Variants in SEMA6D observed in about 807,000 individuals in gnomAD.
SEMA6D encodes the protein semaphorin-6D.
SEMA6D carries 35 observed loss-of-function variants against 106.6 expected under a neutral mutation model. The observed-to-expected ratio is 0.33, with a 90% CI of 0.25 to 0.44. The LOEUF is 0.44. Ranked by LOEUF, SEMA6D falls within the 20% of genes least tolerant of loss-of-function variation. SEMA6D has a pLI of 1.00. For synonymous variants in SEMA6D, 499 were observed against 487.7 expected (o/e 1.02, Z -0.31); for missense variants, 1,185 against 1,345.9 (o/e 0.88, Z 1.87).
chr15:47,452,820 C>T (rs2042232132), intron 2 of SEMA6D, among the ~76,000 whole-genome samples: 1 of 151,840 alleles, frequency 6.6e-6, no homozygotes, highest in African/African-American at 2.4e-5. Context: ...TTCTTAATAA[C>T]AGATATTTCA....
chr15:47,201,898 C>T (rs1273013379), intron 1 of SEMA6D, among the ~76,000 whole-genome samples: 2 of 152,124 alleles, frequency 1.3e-5, no homozygotes, highest in African/African-American at 4.8e-5. Context: ...TTCCTGATGT[C>T]AGTTCCCACA....
At chr15:47,713,954 CA>C (rs1456758092), upstream of SEMA6D, among the ~76,000 whole-genome samples, 2 of 152,166 alleles carry the variant, frequency 1.3e-5, no homozygotes, top group Non-Finnish European at 1.5e-5. Flanking sequence ...TCTATAAAAG[CA>C]TTGTTTAATA....
chr15:47,548,624 T>C (rs1396654665), intron 3 of SEMA6D, among the ~76,000 whole-genome samples: 1 of 152,132 alleles, frequency 6.6e-6, no homozygotes, highest in Non-Finnish European at 1.5e-5. Flanking sequence ...TAAAAAAAGG[T>C]TGCAGAATGA....
In SEMA6D at chr15:47,367,692, GCACACACACA is replaced by G. The variant is rs72057750; in HGVS notation, c.-238-44674_-238-44665del. On this transcript the variant is annotated intron_variant, in intron 1 of 19. Transcript: ENST00000558014. ...CGCACGCTCACACGCGCGCGCGCGC[GCACACACACA>G]CACACACACACACACACACACACAC... Among the ~76,000 whole-genome samples, 227 of 73,464 alleles carry G rather than the reference GCACACACACA, an allele frequency of 3.1e-3. 1 individual carries two copies. The highest frequency in any genetic ancestry group is 0.022 in the South Asian group (45 of 2,012). 48.2% of individuals were successfully genotyped at this position (73,464 alleles called of 152,430 possible).
intron 1 of SEMA6D, among the ~76,000 whole-genome samples, chr15:47,276,896 A>C (rs577871476): frequency 6.6e-6 from 1 of 152,198 alleles, no homozygotes; most frequent in Non-Finnish European, 1.5e-5. Context: ...TATAAATGGC[A>C]TAAAGAGCAT....
chr15:47,645,471 T>C (rs1246329359), intron 4 of SEMA6D, among the ~76,000 whole-genome samples: 2 of 152,136 alleles, frequency 1.3e-5, no homozygotes, highest in African/African-American at 4.8e-5. Flanking sequence ...TTCTTTTAGA[T>C]AGGAAAAAAT....
intron 4 of SEMA6D, among the ~76,000 whole-genome samples, chr15:47,667,485 C>G (rs1169241782): frequency 6.6e-6 from 1 of 152,196 alleles, no homozygotes; most frequent in African/African-American, 2.4e-5. Flanking sequence ...ATCCCCTCTG[C>G]GGTATTCCCA....
At chr15:47,679,392 A>G (rs752107444) in intron 4 of SEMA6D, among the ~76,000 whole-genome samples, 1 of 152,214 alleles carries the variant, frequency 6.6e-6, no homozygotes, top group Non-Finnish European at 1.5e-5. Flanking sequence ...AGTTTTCCAT[A>G]CATATTTTCT....
intron 2 of SEMA6D, among the ~76,000 whole-genome samples, chr15:47,442,513 C>T (rs528169122): frequency 9.0e-4 from 137 of 152,238 alleles, no homozygotes; most frequent in African/African-American, 3.2e-3. Context: ...CCATTTGATT[C>T]CATGGGTCTC....
At chr15:47,483,878 T>G (rs934687166) in intron 3 of SEMA6D, among the ~76,000 whole-genome samples, 11 of 152,124 alleles carry the variant, frequency 7.2e-5, no homozygotes, top group Non-Finnish European at 1.2e-4. Flanking sequence ...TTTCTGTTTC[T>G]TGGAGCTTCT....
intron 3 of SEMA6D, among the ~76,000 whole-genome samples, chr15:47,524,004 A>G (rs1163238106): frequency 6.6e-6 from 1 of 152,226 alleles, no homozygotes; most frequent in South Asian, 2.1e-4. Context: ...GGACAGCAGA[A>G]TACAAATATG....
At chr15:47,455,143 G>C (rs12593270) in intron 2 of SEMA6D, among the ~76,000 whole-genome samples, 33,932 of 151,350 alleles carry the variant, frequency 0.22, 3,876 homozygotes, top group South Asian at 0.36. Flanking sequence ...AGAGGAATAG[G>C]AGTCAGGCAT....
At chr15:47,493,704 T>C (rs1490183481) in intron 3 of SEMA6D, among the ~76,000 whole-genome samples, 1 of 152,166 alleles carries the variant, frequency 6.6e-6, no homozygotes, top group African/African-American at 2.4e-5. Context: ...TTTTGGGAGG[T>C]AAAATTACTA....
chr15:47,210,345 T>G (rs1214063977), intron 1 of SEMA6D, among the ~76,000 whole-genome samples: 1 of 152,196 alleles, frequency 6.6e-6, no homozygotes, highest in Non-Finnish European at 1.5e-5. Context: ...GAGGTTGTTA[T>G]ATGACCTCCC....
At chr15:47,700,589 A>T (rs2078790380) in intron 4 of SEMA6D, among the ~76,000 whole-genome samples, 1 of 152,126 alleles carries the variant, frequency 6.6e-6, no homozygotes, top group African/African-American at 2.4e-5. Context: ...TTGATTTCAA[A>T]GTTTATATTG....
At chr15:47,346,560 C>T (rs2038056059) in intron 1 of SEMA6D, among the ~76,000 whole-genome samples, 1 of 152,120 alleles carries the variant, frequency 6.6e-6, no homozygotes, top group Admixed American at 6.6e-5. Flanking sequence ...AGAAGAGTTA[C>T]ATGACTTTAA....
chr15:47,211,108 A>T (rs577072862), intron 1 of SEMA6D, among the ~76,000 whole-genome samples: 1 of 152,170 alleles, frequency 6.6e-6, no homozygotes, highest in Non-Finnish European at 1.5e-5. Flanking sequence ...TGTGTGTGTG[A>T]TGCCTAATGA....
chr15:47,548,453 AG>A (rs1337469307), intron 3 of SEMA6D, among the ~76,000 whole-genome samples: 3 of 152,104 alleles, frequency 2.0e-5, no homozygotes, highest in Non-Finnish European at 4.4e-5. Context: ...AAGTATACAA[AG>A]TGTAGGCAAG....
chr15:47,567,418 G>A (rs2046259708), intron 3 of SEMA6D, among the ~76,000 whole-genome samples: 2 of 152,096 alleles, frequency 1.3e-5, no homozygotes, highest in African/African-American at 4.8e-5. Flanking sequence ...CATAGTACAT[G>A]GATGAAAAAA....
Sources: gnomAD v4.1 joint callset for allele counts (sites outside exome capture counted in the v4.1 genomes callset) on GRCh38, gnomAD v4.1.1 for gene constraint, MANE v1.5 for transcripts, NCBI Gene and HGNC (gene_info 2026-07-23, HGNC 2026-07-21) for gene names.